CFAP54: variants seen among roughly 807,000 people sequenced by gnomAD.
CFAP54 encodes cilia and flagella associated protein 54, also known as cilia- and flagella-associated protein 54.
Under a neutral mutation model 370.4 loss-of-function variants are expected in CFAP54, and 290 were observed. The ratio of observed to expected loss-of-function variants is 0.78; its 90% CI spans 0.71 to 0.86. CFAP54 has a LOEUF of 0.86. CFAP54 is among the 40% of genes least tolerant of loss of function. The pLI is 0.00. For synonymous variants in CFAP54, 1,206 were observed against 1,236.5 expected (o/e 0.98, Z 0.52); for missense variants, 3,399 against 3,528.7 (o/e 0.96, Z 0.93).
At position 96,700,076 on chromosome 12, in the gene CFAP54, G is replaced by C. The variant is rs1957476030; in HGVS notation, c.6457G>C (p.Ala2153Pro). The change falls in exon 46 of 68, where the codon GCC (alanine) becomes CCC (proline). Residue 2153 changes from alanine to proline, a missense_variant. By Grantham distance (27) the Ala-to-Pro change is conservative. Transcript: ENST00000524981. Reference protein sequence around the residue: ...MPCPIPAGYKATGKMKIFQSF... With the variant: ...MPCPIPAGYKPTGKMKIFQSF... ...TTGTCCAATACCTGCAGGCTATAAA[G>C]CCACTGGAAAAATGAAGGTAACCTG... The C allele has an allele frequency of 1.9e-6, 3 of 1,604,530 alleles. No individual in the cohort carries two copies. The highest frequency in any genetic ancestry group is 2.5e-6 in the Non-Finnish European group (3 of 1,177,512).
intron 62 of CFAP54, among the ~76,000 whole-genome samples, chr12:96,789,635 T>A (rs561054308): frequency 1.3e-5 from 2 of 152,340 alleles, no homozygotes; most frequent in African/African-American, 4.8e-5. Context: ...GGGCAGCCTA[T>A]CATTACCCAT....
At chr12:96,830,048 A>G (rs1224454622) in intron 66 of CFAP54, among the ~76,000 whole-genome samples, 1 of 152,122 alleles carries the variant, frequency 6.6e-6, no homozygotes, top group Non-Finnish European at 1.5e-5. Context: ...AACATGTCCT[A>G]GTATTTTATT....
At chr12:96,661,609 G>A (rs1956995255) in intron 38 of CFAP54, among the ~76,000 whole-genome samples, 4 of 152,166 alleles carry the variant, frequency 2.6e-5, no homozygotes, top group Admixed American at 2.6e-4. Context: ...TTGAAGTCCT[G>A]GAGACTGCGG....
intron 32 of CFAP54, among the ~76,000 whole-genome samples, chr12:96,631,434 C>T (rs1247810122): frequency 2.0e-5 from 3 of 151,388 alleles, no homozygotes; most frequent in Admixed American, 6.6e-5. Context: ...ATGTATGTAG[C>T]CCCAAATAAT....
At chr12:96,581,210 C>A (rs1956029584) in intron 22 of CFAP54, 105 bp downstream of exon 22, 1 of 741,246 alleles carries the variant, frequency 1.3e-6, no homozygotes, top group Non-Finnish European at 1.9e-6. Context: ...TATTCTAAAG[C>A]TCCTATAACA....
chr12:96,873,187 A>T (rs1009539172), intron 67 of CFAP54, among the ~76,000 whole-genome samples: 1 of 152,184 alleles, frequency 6.6e-6, no homozygotes, highest in Non-Finnish European at 1.5e-5. Flanking sequence ...ATGAGAACAT[A>T]AGTTTTGGGG....
chr12:96,806,159 A>ATATATATATAT (rs1958875053), intron 63 of CFAP54, among the ~76,000 whole-genome samples: 1 of 27,892 alleles, frequency 3.6e-5, no homozygotes. Context: ...TCACTAGCCA[A>ATATATATATAT]ATATATATAT....
intron 25 of CFAP54, among the ~76,000 whole-genome samples, chr12:96,595,709 C>T (rs749077684): frequency 8.5e-5 from 13 of 152,118 alleles, no homozygotes; most frequent in Non-Finnish European, 1.6e-4. Flanking sequence ...TCATAGTTGA[C>T]AGCCTTCTGG....
At chr12:96,801,091 C>G (rs764904655) in intron 63 of CFAP54, among the ~76,000 whole-genome samples, 1 of 152,204 alleles carries the variant, frequency 6.6e-6, no homozygotes, top group Non-Finnish European at 1.5e-5. Flanking sequence ...GATCCACCCA[C>G]TTGGTCCCTT....
intron 58 of CFAP54, 151 bp downstream of exon 58, chr12:96,757,739 A>G: frequency 2.0e-6 from 1 of 509,428 alleles, no homozygotes; most frequent in Non-Finnish European, 3.5e-6. Context: ...TAACTATGTT[A>G]CAAAGAGATA....
At chr12:96,808,832 G>A (rs1958905773) in intron 63 of CFAP54, among the ~76,000 whole-genome samples, 1 of 152,130 alleles carries the variant, frequency 6.6e-6, no homozygotes, top group South Asian at 2.1e-4. Flanking sequence ...TTTTATTCAG[G>A]TTTGTCCAAG....
At chr12:96,803,416 A>G (rs1313333997) in intron 63 of CFAP54, among the ~76,000 whole-genome samples, 1 of 152,100 alleles carries the variant, frequency 6.6e-6, no homozygotes. Context: ...CAAGCCACCT[A>G]GAAGCCCATG....
At chr12:96,744,220 A>G in intron 55 of CFAP54, 74 bp downstream of exon 55, 2 of 1,289,186 alleles carry the variant, frequency 1.6e-6, no homozygotes, top group African/African-American at 1.5e-5. Flanking sequence ...GCAGGCTATC[A>G]TATGAGTGCA....
chr12:96,621,424 T>C (rs117498852), intron 26 of CFAP54, among the ~76,000 whole-genome samples, 166 bp from the exon 27 acceptor site: 5,842 of 150,904 alleles, frequency 0.039, 188 homozygotes, highest in Non-Finnish European at 0.055. Flanking sequence ...TTGCACTCAA[T>C]GTGTTAATAC....
intron 50 of CFAP54, among the ~76,000 whole-genome samples, chr12:96,733,545 T>C (rs1384219616): frequency 3.0e-5 from 2 of 66,046 alleles, no homozygotes; most frequent in African/African-American, 1.6e-4. Flanking sequence ...CCTGTGGGTT[T>C]TTTTTTTTTT....
In CFAP54 at chr12:96,853,236, G is replaced by A. The variant is rs114870180; in HGVS notation, c.9172-7583G>A. 7.2e-3 allele frequency among the ~76,000 whole-genome samples: 1,098 copies of A among 152,080 alleles called. 18 individuals are homozygous for A. The highest frequency in any genetic ancestry group is 0.024 in the African/African-American group (1,006 of 41,508). On this transcript the variant is annotated intron_variant, in intron 66 of 67. Transcript: ENST00000524981. ...ATTACATTCATACAATGAAAACTAC[G>A]TATCAATAAGAATGAACAAACTATT...
intron 60 of CFAP54, among the ~76,000 whole-genome samples, chr12:96,771,631 A>C (rs539859562): frequency 6.6e-6 from 1 of 152,208 alleles, no homozygotes; most frequent in South Asian, 2.1e-4. Context: ...CGGCCTGGGC[A>C]AAAGAGCGAG....
At chr12:96,817,061 A>G (rs907673302) in intron 64 of CFAP54, among the ~76,000 whole-genome samples, 1 of 152,218 alleles carries the variant, frequency 6.6e-6, no homozygotes, top group Admixed American at 6.5e-5. Context: ...CACTTGTCAT[A>G]ATTCTTACCT....
Position 96,720,526 on chromosome 12 carries a change from T to C in CFAP54, c.6926T>C (p.Leu2309Pro). The C allele has an allele frequency of 1.9e-6, 3 of 1,585,158 alleles. No individual in the cohort carries two copies. Among genetic ancestry groups the C allele is most frequent in the Non-Finnish European group, 2.6e-6 (3 of 1,162,796 alleles). Residue 2309 changes from leucine (L) to proline (P), a missense_variant, in exon 50 of 68, where the codon CTG (leucine) becomes CCG (proline). Leu to Pro is a moderately conservative substitution (Grantham distance 98, BLOSUM62 -3). Around this residue, in one of 3 missense-constraint regions of CFAP54, gnomAD observed 2,796 missense variants for 2,869.7 expected, o/e 0.97. Coordinates refer to ENST00000524981, the MANE Select transcript of CFAP54 (RefSeq NM_001306084.2). ...LEIVVEARLQ[L>P]AAVALQRHRA... ...ATTGTGGTGGAGGCCCGGCTTCAGC[T>C]GGCTGCAGTTGCTCTGCAGAGGCAC...
Sources: gnomAD v4.1 joint callset for allele counts (sites outside exome capture counted in the v4.1 genomes callset) on GRCh38, gnomAD v4.1.1 for gene constraint, gnomAD v4.1.1 regional missense constraint, MANE v1.5 for transcripts, NCBI Gene and HGNC (gene_info 2026-07-23, HGNC 2026-07-21) for gene names.